The following SKI variants were observed in gnomAD, a reference collection of about 807,000 sequenced individuals.
SKI encodes ski oncogene.
Under a neutral mutation model 59.3 loss-of-function variants are expected in SKI, and 23 were observed. The observed-to-expected ratio is 0.39, with a 90% CI of 0.28 to 0.55. The LOEUF is 0.55. Among genes scored for constraint, SKI ranks in the 20% least tolerant of loss-of-function variants. SKI has a pLI of 0.67. For missense variants in SKI, 1,017 were observed against 1,038.9 expected (o/e 0.98, Z 0.29); for synonymous variants, 673 against 488.6 (o/e 1.38, Z -4.98).
chr1:2,287,923 C>T (rs1640078745), intron 1 of SKI, among the ~76,000 whole-genome samples: 1 of 152,212 alleles, frequency 6.6e-6, no homozygotes, highest in South Asian at 2.1e-4. Context: ...CGCTCCTGGC[C>T]CTGGCCTGGC....
chr1:2,279,661 C>T (rs925717190), intron 1 of SKI, among the ~76,000 whole-genome samples: 10 of 151,934 alleles, frequency 6.6e-5, no homozygotes, highest in African/African-American at 1.5e-4. Context: ...GTTCTCCTGC[C>T]CACCCAGGCA....
At chr1:2,278,530 G>A (rs1396100997) in intron 1 of SKI, among the ~76,000 whole-genome samples, 2 of 152,288 alleles carry the variant, frequency 1.3e-5, no homozygotes, top group Middle Eastern at 3.4e-3. Flanking sequence ...TGGCCTCAGC[G>A]CAGCAGGCCT....
rs569022044 is a variant in SKI, at chr1:2,300,925, G to A, written c.970-2053G>A. On this transcript the variant is annotated intron_variant, in intron 1 of 6. Transcript: ENST00000378536. Reference sequence around the variant, plus strand: ...GGTCCTCCCGCCACCTCCACGGGGCGGCTGTTGGGGCCCCACCAGGCAGAG... The same window carrying A: ...GGTCCTCCCGCCACCTCCACGGGGCAGCTGTTGGGGCCCCACCAGGCAGAG... 2.6e-5 allele frequency among the ~76,000 whole-genome samples: 4 copies of A among 152,314 alleles called. No homozygotes were observed. In the South Asian group the frequency reaches 8.3e-4, roughly 32 times the overall value.
chr1:2,248,737 G>A (rs1445467501), intron 1 of SKI, among the ~76,000 whole-genome samples: 3 of 152,212 alleles, frequency 2.0e-5, no homozygotes, highest in Admixed American at 2.0e-4. Flanking sequence ...TCCTTCTCAC[G>A]TCTTCTCTGT....
intron 1 of SKI, among the ~76,000 whole-genome samples, chr1:2,246,805 G>A (rs1639007516): frequency 6.6e-6 from 1 of 152,124 alleles, no homozygotes; most frequent in Admixed American, 6.5e-5. Context: ...TCTGTGAAGG[G>A]GCACCTACCG....
At chr1:2,284,917 A>G (rs12061705) in intron 1 of SKI, among the ~76,000 whole-genome samples, 3,327 of 152,310 alleles carry the variant, frequency 0.022, 104 homozygotes, top group African/African-American at 0.07. Context: ...CACACACAGC[A>G]CAGGTGCACC....
At chr1:2,299,456 A>G (rs1333287822) in intron 1 of SKI, among the ~76,000 whole-genome samples, 3 of 152,190 alleles carry the variant, frequency 2.0e-5, no homozygotes, top group East Asian at 1.9e-4. Context: ...GCCTGGGGAC[A>G]GAGGCCAGCT....
At chr1:2,291,341 A>G (rs1053011815) in intron 1 of SKI, among the ~76,000 whole-genome samples, 1 of 152,188 alleles carries the variant, frequency 6.6e-6, no homozygotes, top group African/African-American at 2.4e-5. Flanking sequence ...CAGTGTCATC[A>G]GGCTGGTTTC....
intron 1 of SKI, among the ~76,000 whole-genome samples, chr1:2,260,540 T>C (rs1205654779): frequency 6.3e-5 from 8 of 127,518 alleles, no homozygotes; most frequent in East Asian, 4.4e-4. Context: ...TTTTTCTTTT[T>C]TTTTTTTTTT....
At chr1:2,289,007 C>T (rs900934830) in intron 1 of SKI, among the ~76,000 whole-genome samples, 9 of 152,324 alleles carry the variant, frequency 5.9e-5, no homozygotes, top group Middle Eastern at 3.4e-3. Flanking sequence ...TTTCCCGAAT[C>T]GCATGCACCT....
intron 6 of SKI, 115 bp downstream of exon 6, chr1:2,306,365 C>G: frequency 6.3e-6 from 7 of 1,119,820 alleles, no homozygotes; most frequent in Non-Finnish European, 8.7e-6. Flanking sequence ...AGGCCCGGGA[C>G]CACGTTCCGT....
chr1:2,306,230 C>A lies in SKI; in HGVS notation c.1978C>A (p.Arg660Ser). The A allele has an allele frequency of 6.4e-7, 1 of 1,558,654 alleles. No homozygotes were observed. The highest frequency in any genetic ancestry group is 8.7e-7 in the Non-Finnish European group (1 of 1,152,372). Residue 660 changes from arginine to serine, a missense_variant, in exon 6 of 7, where the codon CGC becomes AGC. By Grantham distance (110) the Arg-to-Ser change is moderately radical. Coordinates refer to ENST00000378536, the MANE Select transcript of SKI (RefSeq NM_003036.4). ...CDKGCEAGRL[R>S]AKYSAQIEDL... ...CAAGGGCTGCGAGGCGGGCCGCCTGCGCGCCAAGTACTCGGCCCAGGTATG... is the reference window on the plus strand; with the variant it reads ...CAAGGGCTGCGAGGCGGGCCGCCTGAGCGCCAAGTACTCGGCCCAGGTATG...
chr1:2,285,572 G>GTTT (rs202029239), intron 1 of SKI, among the ~76,000 whole-genome samples: 49 of 145,384 alleles, frequency 3.4e-4, no homozygotes, highest in Admixed American at 2.0e-3. Flanking sequence ...TGTTGTTTTT[G>GTTT]TTTTTTTTTT....
chr1:2,300,791 G>A (rs1400286268), intron 1 of SKI, among the ~76,000 whole-genome samples: 1 of 152,138 alleles, frequency 6.6e-6, no homozygotes, highest in Non-Finnish European at 1.5e-5. Flanking sequence ...GACCAGGAGC[G>A]TCCCTGGCCC....
intron 1 of SKI, among the ~76,000 whole-genome samples, chr1:2,272,819 C>G: frequency 6.6e-6 from 1 of 151,802 alleles, no homozygotes; most frequent in South Asian, 2.1e-4. Flanking sequence ...GCAGTTCTCA[C>G]CACGCCCCGA....
At chr1:2,232,997 A>C (rs1028098256) in intron 1 of SKI, among the ~76,000 whole-genome samples, 2 of 152,040 alleles carry the variant, frequency 1.3e-5, no homozygotes, top group Non-Finnish European at 2.9e-5. Flanking sequence ...CCATTGGACT[A>C]CATTTTTTTG....
At chr1:2,241,917 G>C (rs368791520) in intron 1 of SKI, among the ~76,000 whole-genome samples, 1 of 152,234 alleles carries the variant, frequency 6.6e-6, no homozygotes, top group African/African-American at 2.4e-5. Flanking sequence ...ACAGCACTGC[G>C]TGCGATGGAT....
At chr1:2,251,230 T>C (rs1639141033) in intron 1 of SKI, among the ~76,000 whole-genome samples, 2 of 152,202 alleles carry the variant, frequency 1.3e-5, no homozygotes, top group Non-Finnish European at 2.9e-5. Context: ...ACAGTTTTGA[T>C]GCCCAAGTTG....
chr1:2,236,569 G>A (rs2100801919), intron 1 of SKI, among the ~76,000 whole-genome samples: 1 of 152,240 alleles, frequency 6.6e-6, no homozygotes, highest in African/African-American at 2.4e-5. Flanking sequence ...ACCACGCCTG[G>A]CTAATTTTTT....
Sources: allele counts gnomAD v4.1 joint callset (sites outside exome capture counted in the v4.1 genomes callset), GRCh38; gene constraint gnomAD v4.1.1; transcripts MANE v1.5; gene names NCBI Gene and HGNC (gene_info 2026-07-23, HGNC 2026-07-21).